ARNT2: variants seen among roughly 807,000 people sequenced by gnomAD.
ARNT2 encodes ARNT protein 2.
ARNT2 carries 36 observed loss-of-function variants against 91.7 expected under a neutral mutation model. The observed-to-expected ratio is 0.39, with a 90% CI of 0.30 to 0.52. The LOEUF is 0.52. ARNT2 is among the 20% of genes least tolerant of loss of function. ARNT2 has a pLI of 0.72. For missense variants in ARNT2, 775 were observed against 939.3 expected, an observed-to-expected ratio of 0.83 and a Z score of 2.29; for synonymous variants, 365 against 347.1, an observed-to-expected ratio of 1.05 and a Z score of -0.57.
At chr15:80,559,321 C>T (rs938941175) in intron 11 of ARNT2, among the ~76,000 whole-genome samples, 5 of 150,206 alleles carry the variant, frequency 3.3e-5, no homozygotes, top group Admixed American at 1.3e-4. Flanking sequence ...GCAGTCCCAG[C>T]CCCAGACCCA....
chr15:80,473,685 T>C (rs745514565), intron 4 of ARNT2, among the ~76,000 whole-genome samples: 19 of 152,318 alleles, frequency 1.2e-4, no homozygotes, highest in Non-Finnish European at 2.6e-4. Context: ...TGCCCTGGTT[T>C]CCCAGGCAGA....
chr15:80,527,134 C>T (rs1897651508), intron 8 of ARNT2, among the ~76,000 whole-genome samples: 1 of 152,202 alleles, frequency 6.6e-6, no homozygotes, highest in African/African-American at 2.4e-5. Context: ...AGGGCAAAGC[C>T]ACTCTTCCAT....
intron 2 of ARNT2, among the ~76,000 whole-genome samples, chr15:80,456,048 T>C (rs1260881663): frequency 6.6e-6 from 1 of 152,220 alleles, no homozygotes. Context: ...TACAGCATTT[T>C]TGGTGCTTAC....
intron 1 of ARNT2, among the ~76,000 whole-genome samples, chr15:80,450,290 A>G (rs1423653510): frequency 6.6e-6 from 1 of 152,248 alleles, no homozygotes; most frequent in African/African-American, 2.4e-5. Context: ...CTGGCCTGCT[A>G]TAGCCTGAAG....
chr15:80,586,242 G>A (rs977202511), intron 17 of ARNT2, among the ~76,000 whole-genome samples: 2 of 152,122 alleles, frequency 1.3e-5, no homozygotes, highest in Non-Finnish European at 2.9e-5. Flanking sequence ...ATACACATAC[G>A]TAGGATCTAA....
In ARNT2 at chr15:80,508,139, C is replaced by G; in HGVS notation, c.623-17C>G. On this transcript the variant is annotated splice_polypyrimidine_tract_variant and intron_variant, in intron 5 of 18. Coordinates refer to ENST00000303329, the MANE Select transcript of ARNT2 (RefSeq NM_014862.4). ...CGAAGGCAGAGGCTTACGTAACTGTCCTTCTCTCTCTCTTAGGCCGGATCT... is the reference window on the plus strand; with the variant it reads ...CGAAGGCAGAGGCTTACGTAACTGTGCTTCTCTCTCTCTTAGGCCGGATCT... The G allele has an allele frequency of 2.0e-5, 32 of 1,612,302 alleles. No individual in the cohort carries two copies. The highest frequency in any genetic ancestry group is 2.7e-5 in the Non-Finnish European group (32 of 1,178,644).
intron 5 of ARNT2, among the ~76,000 whole-genome samples, chr15:80,478,896 C>T (rs1265854434): frequency 6.6e-6 from 1 of 152,230 alleles, no homozygotes. Flanking sequence ...CTCAAACCCT[C>T]CTGTCCCTTG....
At chr15:80,514,128 C>A in intron 7 of ARNT2, 152 bp downstream of exon 7, 1 of 964,754 alleles carries the variant, frequency 1.0e-6, no homozygotes, top group Non-Finnish European at 1.6e-6. Flanking sequence ...TGAGAGAGAA[C>A]AGGGAGTTGG....
intron 1 of ARNT2, among the ~76,000 whole-genome samples, chr15:80,412,924 C>G (rs577010080): frequency 6.6e-6 from 1 of 152,196 alleles, no homozygotes; most frequent in East Asian, 1.9e-4. Context: ...GTAGGTCTTA[C>G]ACCCAGACGC....
chr15:80,425,030 A>C (rs1028837055), intron 1 of ARNT2, among the ~76,000 whole-genome samples: 1 of 152,240 alleles, frequency 6.6e-6, no homozygotes, highest in Non-Finnish European at 1.5e-5. Flanking sequence ...TACTAAAATA[A>C]AACTATATCA....
At chr15:80,448,600 A>G (rs1263947343) in intron 1 of ARNT2, among the ~76,000 whole-genome samples, 1 of 152,180 alleles carries the variant, frequency 6.6e-6, no homozygotes, top group Non-Finnish European at 1.5e-5. Flanking sequence ...AGGGATGACA[A>G]CATTTCTAGG....
intron 5 of ARNT2, among the ~76,000 whole-genome samples, chr15:80,497,473 T>G (rs777957358): frequency 6.6e-6 from 1 of 152,236 alleles, no homozygotes; most frequent in Non-Finnish European, 1.5e-5. Flanking sequence ...TGCCAACAAC[T>G]GGAATGATCT....
At chr15:80,465,677 C>G (rs977001124) in intron 3 of ARNT2, among the ~76,000 whole-genome samples, 2 of 152,212 alleles carry the variant, frequency 1.3e-5, no homozygotes, top group African/African-American at 4.8e-5. Flanking sequence ...ATCAGCCCAC[C>G]TGCTGCCTTG....
At chr15:80,425,346 A>G (rs778085498) in intron 1 of ARNT2, among the ~76,000 whole-genome samples, 7 of 152,204 alleles carry the variant, frequency 4.6e-5, no homozygotes, top group Non-Finnish European at 8.8e-5. Context: ...TGAAGAAAGG[A>G]TAATTTATTT....
At chr15:80,444,386 TGA>T (rs1896253508) in intron 1 of ARNT2, 2 of 145,576 alleles carry the variant, frequency 1.4e-5, no homozygotes, top group African/African-American at 5.3e-5. Context: ...GTGTGTGGTG[TGA>T]GAGAGGTGTC....
At chr15:80,580,165 G>T (rs1325792006) in intron 15 of ARNT2, 1 of 507,912 alleles carries the variant, frequency 2.0e-6, no homozygotes, top group Non-Finnish European at 3.6e-6. Context: ...GGGAGAACGA[G>T]GAGAGGAAGT....
chr15:80,462,596 T>C (rs1355316846), intron 3 of ARNT2, among the ~76,000 whole-genome samples: 1 of 152,230 alleles, frequency 6.6e-6, no homozygotes, highest in Non-Finnish European at 1.5e-5. Flanking sequence ...AGTTCTCGTA[T>C]CTGTTGCTGT....
intron 1 of ARNT2, among the ~76,000 whole-genome samples, chr15:80,419,657 C>T (rs1418968806): frequency 6.6e-6 from 1 of 152,172 alleles, no homozygotes; most frequent in Non-Finnish European, 1.5e-5. Context: ...CTGGGACACC[C>T]CTACCTTTTC....
At chr15:80,408,113 A>C (rs952287344) in intron 1 of ARNT2, among the ~76,000 whole-genome samples, 3 of 152,162 alleles carry the variant, frequency 2.0e-5, no homozygotes, top group African/African-American at 7.2e-5. Flanking sequence ...GGTCTTTGGC[A>C]TTTCAATTTG....
Sources: allele counts gnomAD v4.1 joint callset (sites outside exome capture counted in the v4.1 genomes callset), GRCh38; gene constraint gnomAD v4.1.1; transcripts MANE v1.5; gene names NCBI Gene and HGNC (gene_info 2026-07-23, HGNC 2026-07-21).